The following EXD3 variants were observed in gnomAD, a reference collection of about 807,000 sequenced individuals.
EXD3 encodes the protein exonuclease 3'-5' domain containing 3.
EXD3 carries 92 observed loss-of-function variants against 98.0 expected under a neutral mutation model. The observed-to-expected ratio is 0.94, with a 90% CI of 0.79 to 1.12. The LOEUF (loss-of-function observed/expected upper bound fraction) is 1.12. EXD3 is among the 50% of genes most tolerant of loss of function. The probability of loss-of-function intolerance (pLI) is 0.00; values close to 1 mark genes in which losing one functional copy is unlikely to be tolerated. For synonymous variants in EXD3, 569 were observed against 526.0 expected (o/e 1.08, Z -1.12); for missense variants, 1,222 against 1,191.6 (o/e 1.03, Z -0.38).
At chr9:137,402,102 G>C (rs1476959710) in intron 1 of EXD3, among the ~76,000 whole-genome samples, 1 of 151,302 alleles carries the variant, frequency 6.6e-6, no homozygotes. Flanking sequence ...TGCAACCTCT[G>C]CCTTTCTGGT....
At chr9:137,329,516 A>G (rs199706805) in intron 17 of EXD3, among the ~76,000 whole-genome samples, 96 of 28,100 alleles carry the variant, frequency 3.4e-3, no homozygotes, top group East Asian at 7.8e-3. Flanking sequence ...ACTACACGGG[A>G]CTACACGGGA....
intron 18 of EXD3, 101 bp downstream of exon 18, chr9:137,323,989 C>G: frequency 1.3e-6 from 2 of 1,526,164 alleles, no homozygotes; most frequent in African/African-American, 1.4e-5. Context: ...CGCTGGGGGT[C>G]GGCCCCACGG....
intron 2 of EXD3, among the ~76,000 whole-genome samples, chr9:137,389,572 G>A (rs1193740331): frequency 6.6e-6 from 1 of 152,156 alleles, no homozygotes; most frequent in East Asian, 1.9e-4. Context: ...GGGAAAGGGC[G>A]GTACCAGCTC....
chr9:137,355,409 A>C (rs13284768), intron 8 of EXD3, among the ~76,000 whole-genome samples: 60,231 of 85,884 alleles, frequency 0.7, 21,727 homozygotes, highest in East Asian at 0.93. Context: ...ATCTGCCCTG[A>C]GGCAGGGAGG....
chr9:137,335,837 G>A (rs1325089720), intron 17 of EXD3, among the ~76,000 whole-genome samples: 14 of 151,760 alleles, frequency 9.2e-5, no homozygotes, highest in Admixed American at 6.6e-4. Flanking sequence ...AGACACCTGC[G>A]CACATGTTTA....
intron 1 of EXD3, among the ~76,000 whole-genome samples, chr9:137,409,568 T>C (rs1837896688): frequency 6.6e-6 from 1 of 151,850 alleles, no homozygotes; most frequent in South Asian, 2.1e-4. Flanking sequence ...AAAACAGGTA[T>C]CTATCCAGGC....
chr9:137,402,035 G>A (rs1168585473), intron 1 of EXD3, among the ~76,000 whole-genome samples: 1 of 152,064 alleles, frequency 6.6e-6, no homozygotes, highest in African/African-American at 2.4e-5. Context: ...TTTTGTTTTT[G>A]AGATGGAGTC....
chr9:137,330,148 GGAGCTACACAGGA>G (rs1832941884), intron 17 of EXD3, among the ~76,000 whole-genome samples: 1 of 127,572 alleles, frequency 7.8e-6, no homozygotes, highest in Admixed American at 7.6e-5. Context: ...GAACTACACC[GGAGCTACACAGGA>G]CTACACCGGA....
intron 10 of EXD3, 181 bp downstream of exon 10, chr9:137,354,158 C>G (rs11507674): frequency 0.064 from 91,177 of 1,432,460 alleles, 3,450 homozygotes; most frequent in African/African-American, 0.16. Flanking sequence ...CCGCTCAGGC[C>G]TCCCGGGCCT....
At chr9:137,372,551 G>T (rs1410123603) in intron 5 of EXD3, among the ~76,000 whole-genome samples, 4 of 152,370 alleles carry the variant, frequency 2.6e-5, no homozygotes, top group African/African-American at 9.6e-5. Context: ...AGGCGCAGAG[G>T]CTAACAGACA....
intron 8 of EXD3, among the ~76,000 whole-genome samples, chr9:137,355,513 A>C (rs113608118): frequency 0.1 from 1,656 of 16,462 alleles, 10 homozygotes; most frequent in East Asian, 0.32. Flanking sequence ...GGAAGGAGGA[A>C]GGAGGAAGGA....
rs1177301871 is a variant in EXD3, at chr9:137,385,885, C to T, written c.56-2508G>A. 6.6e-6 allele frequency among the ~76,000 whole-genome samples: 1 copy of T among 152,150 alleles called. No homozygotes were observed. The highest frequency in any genetic ancestry group is 1.9e-4 in the East Asian group (1 of 5,200). On this transcript the variant is annotated intron_variant, in intron 2 of 21. Transcript: ENST00000340951. The surrounding 1 kb of genome is among the most constrained non-coding windows in gnomAD (Gnocchi z 4.4). ...AGATGCGTGAGATGAGAAGGTTCTGCAGGTGGACGGTGGTGGCAGCTGTGC... is the reference window on the plus strand; with the variant it reads ...AGATGCGTGAGATGAGAAGGTTCTGTAGGTGGACGGTGGTGGCAGCTGTGC...
intron 8 of EXD3, among the ~76,000 whole-genome samples, chr9:137,355,188 G>T (rs553640435): frequency 6.6e-6 from 1 of 152,096 alleles, no homozygotes; most frequent in East Asian, 1.9e-4. Context: ...TGAGGCACAC[G>T]CACGTCCACA....
rs778273275 is a variant in EXD3 at position 137,351,532 on chromosome 9, C to A, written c.1174-4G>T. On this transcript the variant is annotated splice_polypyrimidine_tract_variant and splice_region_variant and intron_variant, in intron 12 of 21. Coordinates refer to ENST00000340951, the MANE Select transcript of EXD3 (RefSeq NM_017820.5). ...CTACACCAACCACTTGGTGGCACTGCGGGCAGAGAGGGGCAGATGTGATCA... is the reference window on the plus strand; with the variant it reads ...CTACACCAACCACTTGGTGGCACTGAGGGCAGAGAGGGGCAGATGTGATCA... 12 of 1,578,604 alleles carry A rather than the reference C, an allele frequency of 7.6e-6. No homozygotes were observed. Among genetic ancestry groups the A allele is most frequent in the Non-Finnish European group, 1.0e-5 (12 of 1,163,788 alleles).
At chr9:137,343,198 C>A (rs992990158) in intron 17 of EXD3, 15 of 152,150 alleles carry the variant, frequency 9.9e-5, no homozygotes, top group African/African-American at 3.6e-4. Context: ...ATAGGACTGG[C>A]CAAGTGGACA....
intron 7 of EXD3, chr9:137,365,710 GCA>G (rs911482243): frequency 7.4e-5 from 20 of 270,032 alleles, no homozygotes; most frequent in African/African-American, 3.5e-4. Flanking sequence ...ACACACCCAT[GCA>G]CACACACATA....
chr9:137,332,636 G>T (rs549961152), intron 17 of EXD3, among the ~76,000 whole-genome samples: 2 of 152,070 alleles, frequency 1.3e-5, no homozygotes, highest in African/African-American at 4.8e-5. Flanking sequence ...AAGGTCAGGA[G>T]ATCGAGACCA....
chr9:137,334,154 A>G (rs1303579515), intron 17 of EXD3, among the ~76,000 whole-genome samples: 1 of 152,112 alleles, frequency 6.6e-6, no homozygotes, highest in Admixed American at 6.6e-5. Context: ...GGCACCCGCC[A>G]CCACACCCGG....
chr9:137,348,118 C>T lies in EXD3; in HGVS notation c.1951G>A (p.Asp651Asn), dbSNP rs780140324. Residue 651 changes from aspartate (D) to asparagine (N), a missense_variant, in exon 17 of 22, where the codon GAT (aspartate) becomes AAT (asparagine). Coordinates refer to ENST00000340951, the MANE Select transcript of EXD3 (RefSeq NM_017820.5). ...LARSLRCLGV[D>N]ARMLGNGEDH... ...TCACCATTGCCCAGCATGCGTGCAT[C>T]CACACCGAGACAGCGGAGGCTCCGT... 6.2e-7 allele frequency: 1 copy of T among 1,612,108 alleles called. No individual in the cohort carries two copies. Among genetic ancestry groups the T allele is most frequent in the East Asian group, 2.2e-5 (1 of 44,876 alleles).
Sources: allele counts gnomAD v4.1 joint callset (sites outside exome capture counted in the v4.1 genomes callset), GRCh38; gene constraint gnomAD v4.1.1; non-coding constraint Gnocchi (gnomAD v3.1); transcripts MANE v1.5; gene names NCBI Gene and HGNC (gene_info 2026-07-23, HGNC 2026-07-21).